RAB40C: variants seen among roughly 807,000 people sequenced by gnomAD.
RAB40C encodes ras-related protein Rab-40C.
RAB40C carries 8 observed loss-of-function variants against 28.1 expected under a neutral mutation model. The observed-to-expected ratio is 0.28, with a 90% CI of 0.17 to 0.51. The LOEUF (loss-of-function observed/expected upper bound fraction) is 0.51, where lower values mean the gene tolerates loss of function less well. RAB40C is among the 20% of genes least tolerant of loss of function. The pLI, the probability that RAB40C is intolerant of heterozygous loss-of-function variation, is 0.97. For synonymous variants in RAB40C, 201 were observed against 171.7 expected, an observed-to-expected ratio of 1.17 and a Z score of -1.34; for missense variants, 288 against 405.9, an observed-to-expected ratio of 0.71 and a Z score of 2.50.
chr16:621,859 G>A (rs1167138647), intron 3 of RAB40C, among the ~76,000 whole-genome samples: 1 of 152,228 alleles, frequency 6.6e-6, no homozygotes, highest in Non-Finnish European at 1.5e-5. Context: ...CTGAGAGGGG[G>A]TTTATGTGGA....
chr16:623,100 G>A (rs1046934721), intron 3 of RAB40C, among the ~76,000 whole-genome samples: 25 of 152,176 alleles, frequency 1.6e-4, no homozygotes, highest in African/African-American at 5.8e-4. Context: ...GTGGGGGCCC[G>A]CTCAGGGCAG....
chr16:604,232 T>G (rs975623439), intron 1 of RAB40C, among the ~76,000 whole-genome samples: 2 of 118,290 alleles, frequency 1.7e-5, no homozygotes, highest in African/African-American at 7.7e-5. Flanking sequence ...GAGCTAGTTC[T>G]TTTAAATTTT....
chr16:618,709 C>G (rs1403705891), intron 3 of RAB40C, among the ~76,000 whole-genome samples: 1 of 149,548 alleles, frequency 6.7e-6, no homozygotes, highest in Non-Finnish European at 1.5e-5. Flanking sequence ...AGTGGGTGCA[C>G]TCAGGGCCAT....
Position 610,680 on chromosome 16 carries a change from G to A in RAB40C, c.143-6528G>A, listed in dbSNP as rs548020468. Among the ~76,000 whole-genome samples the A allele has an allele frequency of 9.2e-5, 14 of 152,058 alleles. No individual in the cohort carries two copies. Among genetic ancestry groups the A allele is most frequent in the South Asian group, 2.1e-4 (1 of 4,804 alleles). ...CTGCCCCTGCGCCGTCCCCCAGCGC[G>A]GGCTCCAGGCCTCTCCTGGGTCACT... On this transcript the variant is annotated intron_variant, in intron 1 of 5. Coordinates refer to ENST00000248139, the MANE Select transcript of RAB40C (RefSeq NM_021168.5). This position sits in a 1 kb window ranked among gnomAD's most constrained non-coding sequence, Gnocchi z 4.6.
intron 1 of RAB40C, among the ~76,000 whole-genome samples, chr16:592,866 C>T (rs533670650): frequency 5.3e-5 from 8 of 152,260 alleles, no homozygotes; most frequent in African/African-American, 1.2e-4. Context: ...CTGTCCCCTT[C>T]GTCGGGCTGT....
Position 610,731 on chromosome 16 carries a change from C to T in RAB40C, c.143-6477C>T, listed in dbSNP as rs980799007. On this transcript the variant is annotated intron_variant, in intron 1 of 5. Coordinates refer to ENST00000248139, the MANE Select transcript of RAB40C (RefSeq NM_021168.5). The surrounding 1 kb of genome is among the most constrained non-coding windows in gnomAD (Gnocchi z 4.6). ...GCTCTGTGCCTCCAGGAGCTCCTCC[C>T]TCTACCCCGCCCTGCCCCACCCCGT... is the stretch of plus-strand genomic sequence containing the variant. Among the ~76,000 whole-genome samples, 5 of 151,978 alleles carry T rather than the reference C, an allele frequency of 3.3e-5. No homozygotes were observed. The highest frequency in any genetic ancestry group is 7.2e-5 in the African/African-American group (3 of 41,384).
chr16:598,285 C>T (rs1475617847), intron 1 of RAB40C, among the ~76,000 whole-genome samples: 3 of 149,894 alleles, frequency 2.0e-5, no homozygotes, highest in Non-Finnish European at 3.0e-5. Context: ...GGCTGAGGTA[C>T]GAGAATGGCG....
chr16:623,454 C>T (rs148476578), intron 3 of RAB40C, among the ~76,000 whole-genome samples: 18,798 of 151,236 alleles, frequency 0.12, 1,240 homozygotes, highest in Admixed American at 0.14. Context: ...TCAAGACCAT[C>T]CTGGCTAACA....
intron 1 of RAB40C, among the ~76,000 whole-genome samples, chr16:597,519 C>A (rs78183845): frequency 0.014 from 2,159 of 150,962 alleles, 51 homozygotes; most frequent in African/African-American, 0.049. Context: ...AGTCTTGCTC[C>A]GTTACCCAGG....
chr16:617,797 T>G (rs1314410922), intron 2 of RAB40C, among the ~76,000 whole-genome samples: 6 of 151,786 alleles, frequency 4.0e-5, no homozygotes, highest in African/African-American at 1.5e-4. Context: ...GAGCTGAGAT[T>G]GCACCACTGC....
intron 1 of RAB40C, among the ~76,000 whole-genome samples, chr16:608,401 T>G (rs2036411873): frequency 6.6e-6 from 1 of 152,326 alleles, no homozygotes; most frequent in Admixed American, 6.5e-5. Context: ...CTCCTGAGCC[T>G]GCTTAGCTCC....
chr16:626,154 C>T (rs1486268714), intron 5 of RAB40C, 33 bp downstream of exon 5: 10 of 1,579,808 alleles, frequency 6.3e-6, no homozygotes, highest in African/African-American at 1.3e-5. Flanking sequence ...GCCCTGAGGT[C>T]CCCGAACCTG....
chr16:625,357 G>A, intron 3 of RAB40C, 75 bp from the exon 4 acceptor site: 1 of 1,569,170 alleles, frequency 6.4e-7, no homozygotes, highest in South Asian at 1.1e-5. Flanking sequence ...TGAGGCCCCT[G>A]CACCTGAGCG....
chr16:613,581 G>C (rs1040656207), intron 1 of RAB40C, among the ~76,000 whole-genome samples: 22 of 152,268 alleles, frequency 1.4e-4, no homozygotes, highest in Admixed American at 6.5e-4. Context: ...TTTCTCTGCT[G>C]AACGATGATG....
intron 3 of RAB40C, chr16:624,523 A>C (rs1351370526): frequency 1.0e-6 from 1 of 985,300 alleles, no homozygotes; most frequent in Non-Finnish European, 1.2e-6. Flanking sequence ...CTGGGGCTAC[A>C]CTTCAGTCTT....
At chr16:592,175 C>T (rs1341081416) in intron 1 of RAB40C, among the ~76,000 whole-genome samples, 1 of 152,228 alleles carries the variant, frequency 6.6e-6, no homozygotes, top group African/African-American at 2.4e-5. Context: ...TCCCTGCCCT[C>T]TCCCCTTGCT....
chr16:624,550 G>C lies in RAB40C; in HGVS notation c.265-882G>C, dbSNP rs913749424. ...TTCAGTCTTCCAGATATCGAAAGATGGTTCTAAGAGGCTCTAAAAACCCTA... is the reference window on the plus strand; with the variant it reads ...TTCAGTCTTCCAGATATCGAAAGATCGTTCTAAGAGGCTCTAAAAACCCTA... On this transcript the variant is annotated intron_variant, in intron 3 of 5. Transcript: ENST00000248139. 45 of 985,288 alleles carry C rather than the reference G, an allele frequency of 4.6e-5. No individual in the cohort carries two copies. The South Asian group carries it at 1.4e-3, about 30-fold the overall frequency. The allele number at this position is 985,288 out of a possible 1,614,324, so 61.0% of individuals were successfully genotyped here.
intron 1 of RAB40C, among the ~76,000 whole-genome samples, chr16:593,212 G>A (rs1247143450): frequency 6.6e-6 from 1 of 152,252 alleles, no homozygotes; most frequent in Admixed American, 6.5e-5. Context: ...TCAGGGGCCA[G>A]CCCTCTTCAT....
chr16:625,228 C>T (rs1383567665), intron 3 of RAB40C: 5 of 1,438,822 alleles, frequency 3.5e-6, no homozygotes, highest in East Asian at 5.5e-5. Context: ...CACCCCCCTG[C>T]TGCAGTCCTG....
Sources: gnomAD v4.1 joint callset for allele counts (sites outside exome capture counted in the v4.1 genomes callset) on GRCh38, gnomAD v4.1.1 for gene constraint, Gnocchi (gnomAD v3.1) non-coding constraint, MANE v1.5 for transcripts, NCBI Gene and HGNC (gene_info 2026-07-23, HGNC 2026-07-21) for gene names.